The following OSBPL9 variants were observed in gnomAD, a reference collection of about 807,000 sequenced individuals.
The protein encoded by OSBPL9 is oxysterol-binding protein-related protein 9.
Under a neutral mutation model 106.6 loss-of-function variants are expected in OSBPL9, and 40 were observed. The observed-to-expected ratio is 0.38, with a 90% CI of 0.29 to 0.49. The LOEUF (loss-of-function observed/expected upper bound fraction) is 0.49. Among genes scored for constraint, OSBPL9 ranks in the 20% least tolerant of loss-of-function variants. OSBPL9 has a pLI of 0.97. For synonymous variants in OSBPL9, 269 were observed against 295.4 expected (o/e 0.91, Z 0.92); for missense variants, 609 against 887.2 (o/e 0.69, Z 3.98).
rs113240844 is a variant in OSBPL9 at position 51,760,777 on chromosome 1, C to G, written c.670C>G (p.Pro224Ala). 38 of 1,613,520 alleles carry G rather than the reference C, an allele frequency of 2.4e-5. 1 individual carries two copies. The African/African-American group carries it at 3.2e-4, about 14-fold the overall frequency. Residue 224 changes from proline (P) to alanine (A), a missense_variant, in exon 10 of 24, where the codon CCA becomes GCA. Coordinates refer to ENST00000428468, the MANE Select transcript of OSBPL9 (RefSeq NM_024586.6). ...AATGCCTTCCCAGACTGTGTTACCT[C>G]CAGGTAATTTGGGAAAATGTTTCTT... ...STMPSQTVLP[P>A]EPVQLCKSEQ...
At chr1:51,645,305 T>C (rs1049197873) in intron 1 of OSBPL9, among the ~76,000 whole-genome samples, 4 of 152,240 alleles carry the variant, frequency 2.6e-5, no homozygotes, top group South Asian at 2.1e-4. Flanking sequence ...AGGCAAAATA[T>C]CTACTCACAT....
chr1:51,740,324 C>T, intron 4 of OSBPL9: 1 of 1,240,108 alleles, frequency 8.1e-7, no homozygotes, highest in Non-Finnish European at 1.0e-6. Flanking sequence ...CCAATATTCT[C>T]ATATTTTAAT....
the OSBPL9 span, among the ~76,000 whole-genome samples, chr1:51,532,621 T>C: frequency 6.6e-6 from 1 of 152,158 alleles, no homozygotes; most frequent in Non-Finnish European, 1.5e-5. Flanking sequence ...GTTGACACAG[T>C]TGTGGGTTTT....
At chr1:51,564,119 G>A in the OSBPL9 span, among the ~76,000 whole-genome samples, 1 of 144,396 alleles carries the variant, frequency 6.9e-6, no homozygotes, top group Non-Finnish European at 1.5e-5. Flanking sequence ...AAAAGAAAAC[G>A]GGGGTCCAGA....
At chr1:51,593,066 G>T (rs1385842899) in intron 1 of OSBPL9, among the ~76,000 whole-genome samples, 3 of 152,106 alleles carry the variant, frequency 2.0e-5, no homozygotes, top group South Asian at 2.1e-4. Flanking sequence ...TGAAGCTGAG[G>T]GGCTTTTTGC....
intron 1 of OSBPL9, among the ~76,000 whole-genome samples, chr1:51,636,082 ATGTGTGTG>A (rs35392929): frequency 7.2e-6 from 1 of 139,646 alleles, no homozygotes; most frequent in Non-Finnish European, 1.5e-5. Context: ...ATGTATGTAT[ATGTGTGTG>A]TGTGTGTGTG....
the OSBPL9 span, among the ~76,000 whole-genome samples, chr1:51,529,765 G>T: frequency 6.6e-6 from 1 of 151,006 alleles, no homozygotes; most frequent in African/African-American, 2.4e-5. Context: ...GCAAAAGGAT[G>T]AAGTTGAACC....
intron 3 of OSBPL9, among the ~76,000 whole-genome samples, chr1:51,696,051 A>G (rs1211832193): frequency 6.6e-6 from 1 of 152,198 alleles, no homozygotes; most frequent in African/African-American, 2.4e-5. Flanking sequence ...CTAGAGCTCT[A>G]AACTGTTGAT....
At chr1:51,632,772 A>G (rs760163082) in intron 1 of OSBPL9, among the ~76,000 whole-genome samples, 4 of 152,212 alleles carry the variant, frequency 2.6e-5, no homozygotes, top group South Asian at 4.1e-4. Context: ...ATCAAAGAAG[A>G]TAGGGTCTAC....
intron 15 of OSBPL9, 65 bp from the exon 16 acceptor site, chr1:51,781,099 G>T: frequency 1.3e-6 from 2 of 1,507,524 alleles, no homozygotes; most frequent in Non-Finnish European, 1.8e-6. Context: ...CATGCTGGGG[G>T]TTGTTGCATC....
At chr1:51,626,126 C>G (rs916445788) in intron 1 of OSBPL9, among the ~76,000 whole-genome samples, 4 of 152,162 alleles carry the variant, frequency 2.6e-5, no homozygotes, top group African/African-American at 9.7e-5. Flanking sequence ...TGGCAGCTAT[C>G]TTTTGTCTCT....
At chr1:51,526,212 T>C in the OSBPL9 span, among the ~76,000 whole-genome samples, 1 of 152,188 alleles carries the variant, frequency 6.6e-6, no homozygotes, top group Non-Finnish European at 1.5e-5. Flanking sequence ...CAGATCTTAT[T>C]ATTTTCCTGG....
intron 12 of OSBPL9, among the ~76,000 whole-genome samples, 159 bp downstream of exon 12, chr1:51,766,140 A>G (rs567907420): frequency 3.9e-5 from 6 of 152,342 alleles, no homozygotes; most frequent in African/African-American, 1.2e-4. Flanking sequence ...TTATTGATGT[A>G]TAATAGTTGT....
At chr1:51,577,194 C>T (rs1570525379) in exon 1 of OSBPL9, 1 of 152,312 alleles carries the variant, frequency 6.6e-6, no homozygotes. Context: ...TATAAGCTTC[C>T]TGAGGCCTCC....
intron 1 of OSBPL9, among the ~76,000 whole-genome samples, chr1:51,584,728 A>T (rs1050432029): frequency 2.0e-5 from 3 of 152,152 alleles, no homozygotes; most frequent in African/African-American, 7.2e-5. Flanking sequence ...AAATAAAATA[A>T]AATAAAATTA....
At chr1:51,701,651 GTT>G (rs113520734) in intron 3 of OSBPL9, among the ~76,000 whole-genome samples, 1 of 146,588 alleles carries the variant, frequency 6.8e-6, no homozygotes. Context: ...GGTTTTTTTT[GTT>G]TTTTTTTTAT....
chr1:51,536,668 C>T, the OSBPL9 span, among the ~76,000 whole-genome samples: 1 of 152,110 alleles, frequency 6.6e-6, no homozygotes, highest in Non-Finnish European at 1.5e-5. Context: ...CCCAGTCTTT[C>T]ACTATTATTC....
intron 15 of OSBPL9, among the ~76,000 whole-genome samples, chr1:51,777,198 A>G (rs1485031630): frequency 6.6e-6 from 1 of 152,228 alleles, no homozygotes; most frequent in African/African-American, 2.4e-5. Context: ...TAATCCAGGC[A>G]CTGGCAATCA....
chr1:51,655,133 T>C (rs1646739996), intron 2 of OSBPL9, among the ~76,000 whole-genome samples: 1 of 152,100 alleles, frequency 6.6e-6, no homozygotes, highest in Non-Finnish European at 1.5e-5. Context: ...TATTTCACAG[T>C]TTTATAGGTC....
Sources: allele counts gnomAD v4.1 joint callset (sites outside exome capture counted in the v4.1 genomes callset), GRCh38; gene constraint gnomAD v4.1.1; transcripts MANE v1.5; gene names NCBI Gene and HGNC (gene_info 2026-07-23, HGNC 2026-07-21).